The following ICA1 variants were observed in gnomAD, a reference collection of about 807,000 sequenced individuals.
ICA1 encodes the protein islet cell autoantigen 1.
In ICA1, 40 loss-of-function variants were observed where a neutral mutation model predicts 71.0. The ratio of observed to expected loss-of-function variants is 0.56; its 90% CI spans 0.44 to 0.73. The LOEUF (loss-of-function observed/expected upper bound fraction) is 0.73, where lower values mean the gene tolerates loss of function less well. ICA1 is among the 30% of genes least tolerant of loss of function. The probability of loss-of-function intolerance (pLI) is 0.00; values close to 1 mark genes in which losing one functional copy is unlikely to be tolerated. For missense variants in ICA1, 578 were observed against 576.5 expected (o/e 1.00, Z -0.03); for synonymous variants, 207 against 209.5 (o/e 0.99, Z 0.10).
chr7:8,153,143 C>A (rs1174079189), intron 8 of ICA1, among the ~76,000 whole-genome samples: 1 of 152,234 alleles, frequency 6.6e-6, no homozygotes, highest in South Asian at 2.1e-4. Context: ...AAAGCTAGGT[C>A]TGGCTGGCTC....
intron 6 of ICA1, among the ~76,000 whole-genome samples, chr7:8,174,681 G>A (rs1294011251): frequency 2.0e-5 from 3 of 147,188 alleles, no homozygotes; most frequent in Non-Finnish European, 4.5e-5. Flanking sequence ...TATAGTCCCA[G>A]CTACTCAGGA....
rs536993149 is a variant in ICA1, at chr7:8,126,486, G to A, written c.1330+1387C>T. Among the ~76,000 whole-genome samples the A allele has an allele frequency of 2.1e-4, 32 of 152,132 alleles. No individual in the cohort carries two copies. The South Asian group carries it at 6.4e-3, about 31-fold the overall frequency. ...CTCCATTACTGCAAATAAATGAAAT[G>A]GCTATGAAATAAGACTCCCAAAGGA... On this transcript the variant is annotated intron_variant, in intron 13 of 13. Transcript: ENST00000402384.
intron 6 of ICA1, among the ~76,000 whole-genome samples, chr7:8,214,740 A>G (rs567882049): frequency 2.0e-5 from 3 of 152,264 alleles, no homozygotes; most frequent in East Asian, 1.9e-4. Flanking sequence ...AGGAAAACAG[A>G]TTGCTTTGTT....
chr7:8,228,416 T>C (rs904859652), intron 4 of ICA1, among the ~76,000 whole-genome samples, 185 bp downstream of exon 4: 3 of 152,238 alleles, frequency 2.0e-5, no homozygotes, highest in Non-Finnish European at 4.4e-5. Context: ...CCTAATATGA[T>C]ACTTGCTTTG....
rs1801739909 is a variant in ICA1 at position 8,236,005 on chromosome 7, C to T, written c.-79G>A. The T allele has an allele frequency of 1.8e-5, 25 of 1,425,964 alleles. No individual in the cohort carries two copies. Among genetic ancestry groups the T allele is most frequent in the Non-Finnish European group, 2.5e-5 (25 of 1,019,022 alleles). 88.3% of individuals were successfully genotyped at this position (1,425,964 alleles called of 1,614,324 possible). A position where few individuals can be genotyped will look rare whatever the true frequency, so the allele number is the denominator to read the frequency against. ...CATGAGAGGATAAGTTATATTATAA[C>T]CTGAAATAAAACAAATATGTTTAAT... On this transcript the variant is annotated splice_region_variant and 5_prime_UTR_variant, in exon 2 of 14. Transcript: ENST00000402384.
chr7:8,119,849 G>A (rs1166832779), intron 13 of ICA1, among the ~76,000 whole-genome samples: 1 of 152,106 alleles, frequency 6.6e-6, no homozygotes. Context: ...GCATCTCAAA[G>A]ATAAAAGATA....
At chr7:8,202,076 A>G (rs542211409) in intron 6 of ICA1, among the ~76,000 whole-genome samples, 2 of 152,322 alleles carry the variant, frequency 1.3e-5, no homozygotes, top group South Asian at 4.1e-4. Flanking sequence ...ATCCAAAAAG[A>G]GATGATTTAA....
intron 6 of ICA1, among the ~76,000 whole-genome samples, chr7:8,203,538 A>G (rs6952763): frequency 0.99 from 150,540 of 152,262 alleles, 74,426 homozygotes; most frequent in Middle Eastern, 1. Context: ...CTGGGAGCCC[A>G]TTAAAAGTCA....
chr7:8,233,496 C>A (rs139021537), intron 2 of ICA1, among the ~76,000 whole-genome samples: 3 of 151,324 alleles, frequency 2.0e-5, no homozygotes, highest in African/African-American at 7.3e-5. Context: ...CAGGTTCAAG[C>A]GATTCTCCTG....
chr7:8,234,372 GACCT>G lies in ICA1; in HGVS notation c.17+1534_17+1537del, dbSNP rs1296452679. On this transcript the variant is annotated intron_variant, in intron 2 of 13. Transcript: ENST00000402384. The surrounding 1 kb of genome is among the most constrained non-coding windows in gnomAD (Gnocchi z 4.5). ...CCTTGCTTCGTCCACATCCTCTTTG[GACCT>G]AGAGTCCCTGCCCCAAAGGCTCCCC... 3.3e-5 allele frequency among the ~76,000 whole-genome samples: 5 copies of G among 152,058 alleles called. No individual in the cohort carries two copies. The highest frequency in any genetic ancestry group is 1.2e-4 in the African/African-American group (5 of 41,382).
chr7:8,260,913 G>A (rs894170252), intron 1 of ICA1, among the ~76,000 whole-genome samples: 1 of 152,190 alleles, frequency 6.6e-6, no homozygotes, highest in Non-Finnish European at 1.5e-5. Context: ...GAGGGCCACA[G>A]AAACCAATTT....
At chr7:8,230,939 C>T (rs771473926) in intron 3 of ICA1, among the ~76,000 whole-genome samples, 2 of 152,054 alleles carry the variant, frequency 1.3e-5, no homozygotes, top group African/African-American at 2.4e-5. Flanking sequence ...GCTGGGGATA[C>T]GTCGTGAATA....
At chr7:8,136,923 A>G (rs978688252) in intron 12 of ICA1, among the ~76,000 whole-genome samples, 3 of 152,254 alleles carry the variant, frequency 2.0e-5, no homozygotes, top group African/African-American at 4.8e-5. Context: ...GAGGAAGTTT[A>G]TAAAAGTAAG....
rs542387420 is a variant in ICA1, at chr7:8,222,220, A to G, written c.257-822T>C. Among the ~76,000 whole-genome samples, 31 of 152,180 alleles carry G rather than the reference A, an allele frequency of 2.0e-4. No homozygotes were observed. The highest frequency in any genetic ancestry group is 7.2e-4 in the Admixed American group (11 of 15,274). ...GCATCATTATTTATAATAGTGAAAC[A>G]CTCTCCTTATACTAGGAACTAGTTT... On this transcript the variant is annotated intron_variant, in intron 4 of 13. Coordinates refer to ENST00000402384, the MANE Select transcript of ICA1 (RefSeq NM_001136020.3). This position sits in a 1 kb window ranked among gnomAD's most constrained non-coding sequence, Gnocchi z 4.8.
At position 8,113,756 on chromosome 7, in the gene ICA1, A is replaced by C; in HGVS notation, c.*167T>G. 1.5e-6 allele frequency: 1 copy of C among 673,846 alleles called. No individual in the cohort carries two copies. The highest frequency in any genetic ancestry group is 2.8e-5 in the East Asian group (1 of 35,600). The allele number at this position is 673,846 out of a possible 1,614,324, so 41.7% of individuals were successfully genotyped here. A position where few individuals can be genotyped will look rare whatever the true frequency, so the allele number is the denominator to read the frequency against. On this transcript the variant is annotated 3_prime_UTR_variant, in exon 14 of 14. Transcript: ENST00000402384. The surrounding 1 kb of genome is among the most constrained non-coding windows in gnomAD (Gnocchi z 4.2). ...GAGATACACGAAAACCCTTTATACC[A>C]AATAAGAGTAAATAATTATACCAAT... is the stretch of plus-strand genomic sequence containing the variant.
At position 8,144,029 on chromosome 7, in the gene ICA1, C is replaced by CA. The variant is rs908376120; in HGVS notation, c.805-58dup. The CA allele has an allele frequency of 1.1e-4, 109 of 979,860 alleles. 1 individual carries two copies. The highest frequency in any genetic ancestry group is 2.3e-4 in the Admixed American group (9 of 39,236). 60.7% of individuals were successfully genotyped at this position (979,860 alleles called of 1,614,324 possible). ...AAAAAAAAAGAAGAAGAAATAGAGACAAAAAAAAGAAAAGAAAGGTTATCA... is the reference window on the plus strand; with the variant it reads ...AAAAAAAAAGAAGAAGAAATAGAGACAAAAAAAAAGAAAAGAAAGGTTATCA... On this transcript the variant is annotated intron_variant, in intron 8 of 13. Coordinates refer to ENST00000402384, the MANE Select transcript of ICA1 (RefSeq NM_001136020.3). The surrounding 1 kb of genome is among the most constrained non-coding windows in gnomAD (Gnocchi z 4.5).
chr7:8,229,454 G>A (rs1361803363), intron 3 of ICA1, among the ~76,000 whole-genome samples: 4 of 152,146 alleles, frequency 2.6e-5, no homozygotes, highest in African/African-American at 9.7e-5. Flanking sequence ...TCCACCCTTT[G>A]CCCACTAACT....
chr7:8,241,868 A>G (rs1313701619), intron 1 of ICA1, among the ~76,000 whole-genome samples: 3 of 152,234 alleles, frequency 2.0e-5, no homozygotes, highest in Non-Finnish European at 4.4e-5. Flanking sequence ...AGAGTTAACT[A>G]TCCTAAATAT....
intron 13 of ICA1, among the ~76,000 whole-genome samples, chr7:8,124,306 A>C (rs1788248201): frequency 6.7e-6 from 1 of 149,550 alleles, no homozygotes; most frequent in Middle Eastern, 3.4e-3. Flanking sequence ...TTTTTAGTAG[A>C]GCCGGGGTTT....
Sources: allele counts gnomAD v4.1 joint callset (sites outside exome capture counted in the v4.1 genomes callset), GRCh38; gene constraint gnomAD v4.1.1; non-coding constraint Gnocchi (gnomAD v3.1); transcripts MANE v1.5; gene names NCBI Gene and HGNC (gene_info 2026-07-23, HGNC 2026-07-21).